COMMD1: variants seen among roughly 807,000 people sequenced by gnomAD.
COMMD1 encodes the protein copper metabolism domain containing 1.
Under a neutral mutation model 17.2 loss-of-function variants are expected in COMMD1, and 10 were observed. The ratio of observed to expected loss-of-function variants is 0.58; its 90% CI spans 0.36 to 0.99. The LOEUF (loss-of-function observed/expected upper bound fraction) is 0.99, where lower values mean the gene tolerates loss of function less well. COMMD1 is among the 50% of genes least tolerant of loss of function. The probability of loss-of-function intolerance (pLI) is 0.01; values close to 1 mark genes in which losing one functional copy is unlikely to be tolerated. For missense variants in COMMD1, 270 were observed against 231.8 expected (o/e 1.17, Z -1.07); for synonymous variants, 97 against 91.6 (o/e 1.06, Z -0.34).
chr2:62,003,223 G>C (rs1284681861), intron 2 of COMMD1, among the ~76,000 whole-genome samples: 1 of 141,572 alleles, frequency 7.1e-6, no homozygotes, highest in African/African-American at 2.7e-5. Flanking sequence ...ACAGTGAGGC[G>C]CTGTCTCAAA....
chr2:62,123,785 A>G (rs780295568), intron 2 of COMMD1, among the ~76,000 whole-genome samples: 2 of 152,024 alleles, frequency 1.3e-5, no homozygotes, highest in African/African-American at 2.4e-5. Flanking sequence ...GGCAGACTAC[A>G]TGGTTCATTC....
intron 1 of COMMD1, among the ~76,000 whole-genome samples, chr2:61,995,203 G>C (rs1480878535): frequency 5.3e-5 from 8 of 152,160 alleles, no homozygotes; most frequent in Non-Finnish European, 1.5e-5. Context: ...TCCTGCCTCA[G>C]CCTCTGGAGT....
At chr2:61,983,029 T>A (rs565725197) in intron 1 of COMMD1, among the ~76,000 whole-genome samples, 1 of 152,294 alleles carries the variant, frequency 6.6e-6, no homozygotes, top group East Asian at 1.9e-4. Context: ...AGGGCAATAC[T>A]GGCCTTGTAG....
At chr2:62,018,197 G>A (rs1359884063) in intron 2 of COMMD1, among the ~76,000 whole-genome samples, 1 of 152,122 alleles carries the variant, frequency 6.6e-6, no homozygotes, top group Non-Finnish European at 1.5e-5. Context: ...ATGGCACATG[G>A]CTACCCAGGG....
rs182174020 is a variant in COMMD1, at chr2:62,064,169, A to G, written c.462+63187A>G. On this transcript the variant is annotated intron_variant, in intron 2 of 2. Transcript: ENST00000311832. Reference sequence around the variant, plus strand: ...CACACATAGTAGATTTTTTATTCTTATTTTTTAACTTTTTATTTATTTTGA... The same window carrying G: ...CACACATAGTAGATTTTTTATTCTTGTTTTTTAACTTTTTATTTATTTTGA... 2.0e-3 allele frequency among the ~76,000 whole-genome samples: 304 copies of G among 151,540 alleles called. 1 individual carries two copies. The highest frequency in any genetic ancestry group is 6.9e-3 in the African/African-American group (285 of 41,332).
intron 1 of COMMD1, among the ~76,000 whole-genome samples, chr2:61,952,545 A>G (rs1177242289): frequency 6.6e-6 from 1 of 152,014 alleles, no homozygotes. Context: ...CTCAGCCCAT[A>G]AGGAATGTTT....
intron 1 of COMMD1, among the ~76,000 whole-genome samples, chr2:61,894,423 C>CT (rs1480665513): frequency 6.6e-6 from 1 of 151,320 alleles, no homozygotes; most frequent in Non-Finnish European, 1.5e-5. Flanking sequence ...GGCAAGCTGA[C>CT]TTTATACACA....
chr2:61,917,509 A>C (rs1670079965), intron 1 of COMMD1, among the ~76,000 whole-genome samples: 1 of 152,148 alleles, frequency 6.6e-6, no homozygotes, highest in African/African-American at 2.4e-5. Context: ...TTTAGAGTGA[A>C]TTTAAGAAGA....
At chr2:61,944,932 G>A (rs145072673) in intron 1 of COMMD1, among the ~76,000 whole-genome samples, 281 of 152,230 alleles carry the variant, frequency 1.8e-3, no homozygotes, top group Non-Finnish European at 3.4e-3. Context: ...CACGTGCATG[G>A]TTTTGTTTTG....
At chr2:62,043,214 G>A (rs990866432) in intron 2 of COMMD1, among the ~76,000 whole-genome samples, 3 of 152,214 alleles carry the variant, frequency 2.0e-5, no homozygotes, top group African/African-American at 4.8e-5. Context: ...GATTAAACAA[G>A]AACAGCAGTT....
chr2:61,901,148 T>C (rs1277003481), upstream of COMMD1, among the ~76,000 whole-genome samples: 1 of 151,810 alleles, frequency 6.6e-6, no homozygotes, highest in South Asian at 2.1e-4. Flanking sequence ...GGTTTCACCA[T>C]GTTGGCCATG....
chr2:62,005,372 C>G (rs1321430189), intron 2 of COMMD1, among the ~76,000 whole-genome samples: 2 of 152,160 alleles, frequency 1.3e-5, no homozygotes, highest in African/African-American at 2.4e-5. Flanking sequence ...CCCTCACTCC[C>G]TATTTAAATT....
intron 1 of COMMD1, among the ~76,000 whole-genome samples, chr2:61,899,708 T>C (rs1414020589): frequency 6.6e-6 from 1 of 152,202 alleles, no homozygotes; most frequent in Non-Finnish European, 1.5e-5. Context: ...AGAGTCTTGC[T>C]CTGTCGCCCA....
intron 1 of COMMD1, among the ~76,000 whole-genome samples, chr2:61,970,691 C>T (rs1291793659): frequency 6.6e-6 from 1 of 152,066 alleles, no homozygotes; most frequent in Non-Finnish European, 1.5e-5. Context: ...ACTAGAAATA[C>T]CATGATAAAG....
chr2:62,046,891 G>A (rs1232726270), intron 2 of COMMD1, among the ~76,000 whole-genome samples: 1 of 152,190 alleles, frequency 6.6e-6, no homozygotes, highest in Admixed American at 6.5e-5. Context: ...CAAATAAAAT[G>A]TTTGGTTTCT....
intron 2 of COMMD1, among the ~76,000 whole-genome samples, chr2:62,014,386 G>A (rs1669371946): frequency 6.6e-6 from 1 of 151,918 alleles, no homozygotes; most frequent in African/African-American, 2.4e-5. Flanking sequence ...TGTCTAGTAT[G>A]TGTGTACTGG....
At chr2:62,091,095 T>A (rs1164257275) in intron 2 of COMMD1, among the ~76,000 whole-genome samples, 1 of 152,172 alleles carries the variant, frequency 6.6e-6, no homozygotes, top group African/African-American at 2.4e-5. Context: ...CACCTCAGAT[T>A]CCATTTGTAG....
At chr2:61,973,002 T>C (rs1049738267) in intron 1 of COMMD1, among the ~76,000 whole-genome samples, 2 of 152,158 alleles carry the variant, frequency 1.3e-5, no homozygotes, top group East Asian at 1.9e-4. Flanking sequence ...AGTATACTTA[T>C]ATGAAATACT....
chr2:62,006,059 A>G (rs1346375096), intron 2 of COMMD1, among the ~76,000 whole-genome samples: 8 of 151,714 alleles, frequency 5.3e-5, no homozygotes, highest in African/African-American at 1.9e-4. Flanking sequence ...CATGGATGAA[A>G]TTGGAAATCA....
Sources: gnomAD v4.1 joint callset for allele counts (sites outside exome capture counted in the v4.1 genomes callset) on GRCh38, gnomAD v4.1.1 for gene constraint, MANE v1.5 for transcripts, NCBI Gene and HGNC (gene_info 2026-07-23, HGNC 2026-07-21) for gene names.